Variants in EML4 observed in about 807,000 individuals in gnomAD.
The protein encoded by EML4 is EMAP like 4.
A neutral mutation model predicts 129.0 loss-of-function variants in EML4; 72 were observed. That is an observed-to-expected ratio of 0.56 (90% CI 0.46 to 0.68). EML4 has a LOEUF of 0.68. Among genes scored for constraint, EML4 ranks in the 30% least tolerant of loss-of-function variants. EML4 has a pLI of 0.00. For synonymous variants in EML4, 532 were observed against 405.0 expected, an observed-to-expected ratio of 1.31 and a Z score of -3.77; for missense variants, 1,363 against 1,190.6, an observed-to-expected ratio of 1.14 and a Z score of -2.13.
chr2:42,245,094 C>CTTTCTTTTTTTTT (rs1336279430), intron 1 of EML4, among the ~76,000 whole-genome samples: 2 of 66,558 alleles, frequency 3.0e-5, no homozygotes, highest in African/African-American at 6.5e-5. Context: ...AATTTTCTTT[C>CTTTCTTTTTTTTT]TTTTTTTTTT....
chr2:42,256,694 C>T, intron 3 of EML4, 64 bp downstream of exon 3: 1 of 1,574,738 alleles, frequency 6.4e-7, no homozygotes, highest in South Asian at 1.1e-5. Flanking sequence ...GTAGAGATCT[C>T]CCTTTAGAAA....
intron 1 of EML4, among the ~76,000 whole-genome samples, chr2:42,206,481 T>G (rs895074077): frequency 1.3e-5 from 2 of 152,198 alleles, no homozygotes; most frequent in Non-Finnish European, 2.9e-5. Flanking sequence ...TCCCAAAGTG[T>G]TGGGATTATA....
intron 5 of EML4, 91 bp downstream of exon 5, chr2:42,263,397 T>TA: frequency 3.5e-5 from 12 of 339,778 alleles, no homozygotes; most frequent in Non-Finnish European, 5.5e-5. Context: ...CTGGTTTGAA[T>TA]CTTTTTTTTT....
chr2:42,179,266 T>TG (rs1670795142), intron 1 of EML4, among the ~76,000 whole-genome samples: 1 of 149,714 alleles, frequency 6.7e-6, no homozygotes, highest in African/African-American at 2.4e-5. Flanking sequence ...GAGCTGGGTT[T>TG]TTTTTTTTTT....
At chr2:42,261,887 GA>G (rs1318698075) in intron 4 of EML4, among the ~76,000 whole-genome samples, 3 of 152,178 alleles carry the variant, frequency 2.0e-5, no homozygotes, top group African/African-American at 7.2e-5. Flanking sequence ...AAAGTTATGA[GA>G]AGGGGAAAAG....
At chr2:42,280,233 G>C (rs1666930927) in intron 6 of EML4, among the ~76,000 whole-genome samples, 1 of 152,092 alleles carries the variant, frequency 6.6e-6, no homozygotes, top group Non-Finnish European at 1.5e-5. Flanking sequence ...TTTCTACTCA[G>C]CCTTCCTGGA....
chr2:42,200,175 A>T (rs75872205), intron 1 of EML4, among the ~76,000 whole-genome samples: 4 of 146,394 alleles, frequency 2.7e-5, no homozygotes, highest in African/African-American at 1.0e-4. Flanking sequence ...AAAAAAAAAA[A>T]TTAGCTGGAC....
intron 1 of EML4, 142 bp downstream of exon 1, chr2:42,169,778 C>T (rs567860678): frequency 3.2e-4 from 291 of 916,372 alleles, no homozygotes; most frequent in Middle Eastern, 3.0e-3. Flanking sequence ...AGGCTGCCGC[C>T]CCTCCGCGGA....
At chr2:42,191,574 T>C (rs1281550477) in intron 1 of EML4, among the ~76,000 whole-genome samples, 2 of 152,160 alleles carry the variant, frequency 1.3e-5, no homozygotes, top group Non-Finnish European at 2.9e-5. Context: ...AAATGAAGGA[T>C]AGGGTAGTGC....
chr2:42,219,746 C>A (rs930453659), intron 1 of EML4, among the ~76,000 whole-genome samples: 2 of 151,738 alleles, frequency 1.3e-5, no homozygotes, highest in Admixed American at 1.3e-4. Context: ...GGTGAAGCCC[C>A]ATCTCTACTA....
intron 1 of EML4, among the ~76,000 whole-genome samples, chr2:42,244,251 A>G (rs1675236820): frequency 6.6e-6 from 1 of 151,788 alleles, no homozygotes; most frequent in African/African-American, 2.4e-5. Flanking sequence ...GGCACACGCC[A>G]CCAAGCCCGG....
At chr2:42,179,658 G>A (rs1048619781) in intron 1 of EML4, among the ~76,000 whole-genome samples, 2 of 152,022 alleles carry the variant, frequency 1.3e-5, no homozygotes, top group African/African-American at 2.4e-5. Context: ...GCTGGGGTGC[G>A]GTGGCATGAT....
chr2:42,258,625 C>G (rs1665511653), intron 3 of EML4, among the ~76,000 whole-genome samples: 1 of 152,006 alleles, frequency 6.6e-6, no homozygotes, highest in South Asian at 2.1e-4. Flanking sequence ...GTCTCAAACT[C>G]CCAACCTCAG....
chr2:42,266,715 C>T (rs1666086447), intron 6 of EML4, among the ~76,000 whole-genome samples: 1 of 150,916 alleles, frequency 6.6e-6, no homozygotes, highest in Non-Finnish European at 1.5e-5. Flanking sequence ...TGGGGAATAA[C>T]TGTGTTTAGT....
chr2:42,290,224 C>T (rs1324900588), intron 11 of EML4, among the ~76,000 whole-genome samples: 8 of 152,104 alleles, frequency 5.3e-5, no homozygotes, highest in Non-Finnish European at 1.0e-4. Context: ...GGCCGGATTA[C>T]GGGTTGACTG....
rs560670491 is a variant in EML4, at chr2:42,264,628, TAC to T, written c.642-76_642-75del. 2.0e-4 allele frequency: 164 copies of T among 822,102 alleles called. 1 individual carries two copies. The highest frequency in any genetic ancestry group is 6.3e-4 in the Middle Eastern group (2 of 3,158). 50.9% of individuals were successfully genotyped at this position (822,102 alleles called of 1,614,324 possible). On this transcript the variant is annotated intron_variant, in intron 5 of 22. Transcript: ENST00000318522. ...ATTATAGCCTAAGCATTAAAACTTTTACAGTTTCTTGAGGTGATTTTAATGGT... is the reference window on the plus strand; with the variant it reads ...ATTATAGCCTAAGCATTAAAACTTTTAGTTTCTTGAGGTGATTTTAATGGT...
chr2:42,198,308 G>A (rs1672014935), intron 1 of EML4, among the ~76,000 whole-genome samples: 1 of 152,208 alleles, frequency 6.6e-6, no homozygotes, highest in East Asian at 1.9e-4. Flanking sequence ...AGAGAGAATG[G>A]GCATGTATGA....
intron 1 of EML4, among the ~76,000 whole-genome samples, chr2:42,190,551 A>C (rs1671525816): frequency 6.6e-6 from 1 of 152,190 alleles, no homozygotes; most frequent in Admixed American, 6.5e-5. Context: ...TATACAGTGA[A>C]TGATGGGAAA....
intron 1 of EML4, among the ~76,000 whole-genome samples, chr2:42,207,230 C>T (rs571039467): frequency 6.6e-6 from 1 of 152,142 alleles, no homozygotes; most frequent in South Asian, 2.1e-4. Flanking sequence ...TTAAATACAA[C>T]CAAAACTTTT....
Sources: allele counts gnomAD v4.1 joint callset (sites outside exome capture counted in the v4.1 genomes callset), GRCh38; gene constraint gnomAD v4.1.1; transcripts MANE v1.5; gene names NCBI Gene and HGNC (gene_info 2026-07-23, HGNC 2026-07-21).